The following CENPP variants were observed in gnomAD, a reference collection of about 807,000 sequenced individuals.
The protein encoded by CENPP is centromere protein P.
A neutral mutation model predicts 35.6 loss-of-function variants in CENPP; 24 were observed. The ratio of observed to expected loss-of-function variants is 0.67; its 90% CI spans 0.49 to 0.95. The LOEUF is 0.95. CENPP is among the 40% of genes least tolerant of loss of function. CENPP has a pLI of 0.00. For synonymous variants in CENPP, 120 were observed against 125.5 expected (o/e 0.96, Z 0.29); for missense variants, 332 against 345.3 (o/e 0.96, Z 0.31).
rs1851403072 is a variant in CENPP at position 92,615,481 on chromosome 9, A to G, written c.*2332A>G. 1 of 219,676 alleles carries G rather than the reference A, an allele frequency of 4.6e-6. No homozygotes were observed. Among genetic ancestry groups the G allele is most frequent in the Non-Finnish European group, 9.0e-6 (1 of 110,632 alleles). 13.6% of individuals were successfully genotyped at this position (219,676 alleles called of 1,614,324 possible). A position where few individuals can be genotyped will look rare whatever the true frequency, so the allele number is the denominator to read the frequency against. On this transcript the variant is annotated 3_prime_UTR_variant, in exon 8 of 8. Transcript: ENST00000375587. ...TTTTCTATGTTAGGAGTCTGGTGGT[A>G]GCAGATCCAAACCTTGGGTCTTAGA...
At chr9:92,521,548 G>A (rs868792299) in intron 5 of CENPP, among the ~76,000 whole-genome samples, 3 of 152,152 alleles carry the variant, frequency 2.0e-5, no homozygotes, top group Non-Finnish European at 2.9e-5. Flanking sequence ...ACTGGCCACA[G>A]AACATTATAT....
intron 4 of CENPP, among the ~76,000 whole-genome samples, chr9:92,362,821 C>T (rs1357843710): frequency 6.6e-6 from 1 of 152,192 alleles, no homozygotes; most frequent in Non-Finnish European, 1.5e-5. Flanking sequence ...AGAAATAGAT[C>T]ACCATTCTCT....
chr9:92,567,294 A>G (rs1210660804), intron 5 of CENPP, among the ~76,000 whole-genome samples: 1 of 149,796 alleles, frequency 6.7e-6, no homozygotes, highest in African/African-American at 2.5e-5. Context: ...CGTTTTCAAC[A>G]TGATTATAAG....
chr9:92,356,947 T>C (rs985939770), intron 4 of CENPP, among the ~76,000 whole-genome samples: 12 of 152,216 alleles, frequency 7.9e-5, no homozygotes, highest in African/African-American at 2.4e-4. Context: ...TATGAACTTG[T>C]ATATTTATAT....
In CENPP at chr9:92,565,293, TAAAAAAAAAAAAAA is replaced by T. The variant is rs3078380; in HGVS notation, c.565-46004_565-45991del. Among the ~76,000 whole-genome samples, 96 of 33,164 alleles carry T rather than the reference TAAAAAAAAAAAAAA, an allele frequency of 2.9e-3. 1 individual carries two copies. Among genetic ancestry groups the T allele is most frequent in the Middle Eastern group, 0.026 (1 of 38 alleles). 21.8% of individuals were successfully genotyped at this position (33,164 alleles called of 152,430 possible). A position where few individuals can be genotyped will look rare whatever the true frequency, so the allele number is the denominator to read the frequency against. On this transcript the variant is annotated intron_variant, in intron 5 of 7. Transcript: ENST00000375587. ...ACTAACACTATGATAGCTGATGAGC[TAAAAAAAAAAAAAA>T]AAAAAAAAAAAAAAAATCATAATGT...
In CENPP at chr9:92,474,875, A is replaced by T. The variant is rs763749029; in HGVS notation, c.564+95016A>T. 1.9e-6 allele frequency: 3 copies of T among 1,613,654 alleles called. No homozygotes were observed. The African/African-American group carries it at 4.0e-5, about 22-fold the overall frequency. On this transcript the variant is annotated intron_variant, in intron 5 of 7. Transcript: ENST00000375587. Reference sequence around the variant, plus strand: ...TTTGGCAGAGCACAAAGCCAGGAATAATAGGAGCACATACTCCTTCATGGT... The same window carrying T: ...TTTGGCAGAGCACAAAGCCAGGAATTATAGGAGCACATACTCCTTCATGGT...
intron 4 of CENPP, among the ~76,000 whole-genome samples, chr9:92,356,476 A>T (rs944343086): frequency 6.6e-6 from 1 of 152,190 alleles, no homozygotes; most frequent in East Asian, 1.9e-4. Context: ...CATATTGTTC[A>T]AACACACATG....
intron 5 of CENPP, among the ~76,000 whole-genome samples, chr9:92,573,688 G>A (rs1178534672): frequency 6.6e-6 from 1 of 152,214 alleles, no homozygotes; most frequent in Non-Finnish European, 1.5e-5. Flanking sequence ...GCTATGCCCT[G>A]CCCCGAGAGG....
At chr9:92,404,726 G>C in intron 5 of CENPP, 1 of 1,083,078 alleles carries the variant, frequency 9.2e-7, no homozygotes, top group Non-Finnish European at 1.2e-6. Context: ...CTGTGCTTAA[G>C]TTATTTGTTG....
intron 5 of CENPP, among the ~76,000 whole-genome samples, chr9:92,548,056 A>G (rs950236894): frequency 2.0e-5 from 3 of 152,258 alleles, no homozygotes; most frequent in African/African-American, 4.8e-5. Flanking sequence ...ATAAATTACT[A>G]AAATTATCTT....
intron 4 of CENPP, among the ~76,000 whole-genome samples, chr9:92,356,103 A>G (rs1466595678): frequency 2.0e-5 from 3 of 152,252 alleles, no homozygotes; most frequent in African/African-American, 7.2e-5. Flanking sequence ...ATTTAAAAAT[A>G]TATGGAAGTA....
intron 5 of CENPP, among the ~76,000 whole-genome samples, chr9:92,582,860 T>TGGG (rs1316770434): frequency 1.3e-5 from 2 of 152,112 alleles, no homozygotes; most frequent in Non-Finnish European, 2.9e-5. Context: ...GGAAGAGGAA[T>TGGG]GGGGATACTC....
At chr9:92,417,562 C>T (rs1379883566) in intron 5 of CENPP, 10 of 1,216,522 alleles carry the variant, frequency 8.2e-6, no homozygotes, top group African/African-American at 6.3e-5. Flanking sequence ...AACCCATCTT[C>T]TTTTTTTTTT....
At chr9:92,536,591 T>C (rs894226500) in intron 5 of CENPP, 1 of 152,526 alleles carries the variant, frequency 6.6e-6, no homozygotes, top group Non-Finnish European at 1.5e-5. Flanking sequence ...GCTGTGTGGC[T>C]CCTAATTACC....
chr9:92,358,952 C>CTTTTTTTTT (rs547707825), intron 4 of CENPP, among the ~76,000 whole-genome samples: 2 of 122,380 alleles, frequency 1.6e-5, no homozygotes, highest in African/African-American at 3.1e-5. Context: ...TTCTTTCTTT[C>CTTTTTTTTT]TTTTTTTTTT....
chr9:92,599,725 G>T (rs1013698987), intron 5 of CENPP, among the ~76,000 whole-genome samples: 1 of 152,122 alleles, frequency 6.6e-6, no homozygotes, highest in Non-Finnish European at 1.5e-5. Context: ...CCCAGTGGTT[G>T]TTTTTTTAAT....
intron 5 of CENPP, among the ~76,000 whole-genome samples, chr9:92,584,374 G>C (rs144408497): frequency 6.6e-6 from 1 of 151,942 alleles, no homozygotes; most frequent in African/African-American, 2.4e-5. Flanking sequence ...TTTGAGACAG[G>C]GTCTTACTCT....
intron 6 of CENPP, among the ~76,000 whole-genome samples, chr9:92,612,004 G>C (rs900406638): frequency 6.6e-6 from 1 of 152,224 alleles, no homozygotes; most frequent in African/African-American, 2.4e-5. Flanking sequence ...AGGGTCATGA[G>C]CAGCTGCAGT....
intron 4 of CENPP, among the ~76,000 whole-genome samples, chr9:92,355,098 A>G (rs532799876): frequency 8.7e-4 from 132 of 152,286 alleles, no homozygotes; most frequent in Non-Finnish European, 6.0e-4. Context: ...CTTGATAAAC[A>G]TCTTAAACAA....
Sources: gnomAD v4.1 joint callset for allele counts (sites outside exome capture counted in the v4.1 genomes callset) on GRCh38, gnomAD v4.1.1 for gene constraint, MANE v1.5 for transcripts, NCBI Gene and HGNC (gene_info 2026-07-23, HGNC 2026-07-21) for gene names.